Variants in CAND1 observed in about 807,000 individuals in gnomAD.
CAND1 encodes cullin associated and neddylation dissociated 1, also known as cullin-associated NEDD8-dissociated protein 1.
A neutral mutation model predicts 108.5 loss-of-function variants in CAND1; 7 were observed. That is an observed-to-expected ratio of 0.06 (90% CI 0.04 to 0.12). CAND1 has a LOEUF of 0.12. Ranked by LOEUF, CAND1 falls within the 10% of genes least tolerant of loss-of-function variation. The probability of loss-of-function intolerance (pLI) is 1.00; values close to 1 mark genes in which losing one functional copy is unlikely to be tolerated. For synonymous variants in CAND1, 534 were observed against 512.0 expected (o/e 1.04, Z -0.58); for missense variants, 941 against 1,448.7 (o/e 0.65, Z 5.69).
rs1444941167 is a variant in CAND1, at chr12:67,315,292, A to G, written c.*2462A>G. On this transcript the variant is annotated 3_prime_UTR_variant, in exon 15 of 15. Transcript: ENST00000545606. ...ACACTGTGAAAACCCATCTCTACTG[A>G]AAATACAAAAAATTAGCTGGGCGTG... 2 of 152,270 alleles carry G rather than the reference A, an allele frequency of 1.3e-5. No homozygotes were observed. Among genetic ancestry groups the G allele is most frequent in the Non-Finnish European group, 1.5e-5 (1 of 68,122 alleles). 9.4% of individuals were successfully genotyped at this position (152,270 alleles called of 1,614,324 possible).
chr12:67,297,902 T>G, intron 6 of CAND1, 49 bp downstream of exon 6: 1 of 1,116,300 alleles, frequency 9.0e-7, no homozygotes, highest in Non-Finnish European at 1.3e-6. Flanking sequence ...TCCTTAAGAG[T>G]AGAATCATAA....
At position 67,306,479 on chromosome 12, in the gene CAND1, A is replaced by G; in HGVS notation, c.2811A>G (p.Leu937=). The change falls in exon 10 of 15, where the codon CTA becomes CTG. Residue 937 remains leucine (L), a synonymous_variant. Coordinates refer to ENST00000545606, the MANE Select transcript of CAND1 (RefSeq NM_018448.5). ...PYVENIWALL[L]KHCECAEEGT... is the part of the protein sequence containing the mutation. ...TTGAAAACATCTGGGCCTTATTACT[A>G]AAGCACTGTGAGTGTGCAGAGGAAG... 8.7e-6 allele frequency: 14 copies of G among 1,614,052 alleles called. No individual in the cohort carries two copies. Among genetic ancestry groups the G allele is most frequent in the Non-Finnish European group, 1.2e-5 (14 of 1,179,950 alleles).
intron 8 of CAND1, among the ~76,000 whole-genome samples, chr12:67,303,697 G>A (rs754881451): frequency 6.6e-5 from 10 of 152,208 alleles, no homozygotes; most frequent in East Asian, 3.9e-4. Context: ...CTTTGCATCC[G>A]TAAGATTTGT....
At chr12:67,311,605 T>C in intron 13 of CAND1, 88 bp from the exon 14 acceptor site, 1 of 500,710 alleles carries the variant, frequency 2.0e-6, no homozygotes, top group South Asian at 1.8e-5. Context: ...ATGCTAGTTA[T>C]TTTCCTTTAA....
intron 2 of CAND1, among the ~76,000 whole-genome samples, chr12:67,290,778 A>G (rs1203705400): frequency 6.6e-6 from 1 of 152,144 alleles, no homozygotes; most frequent in Admixed American, 6.5e-5. Context: ...ACCCTGGGCC[A>G]TGGACCCATA....
intron 2 of CAND1, chr12:67,282,281 G>C (rs894038276): frequency 2.8e-6 from 1 of 356,774 alleles, no homozygotes; most frequent in Non-Finnish European, 5.0e-6. Flanking sequence ...CTTACGAAGT[G>C]CATGTAGGGA....
At chr12:67,286,995 T>C (rs1280551593) in intron 2 of CAND1, among the ~76,000 whole-genome samples, 3 of 152,258 alleles carry the variant, frequency 2.0e-5, no homozygotes, top group African/African-American at 7.2e-5. Context: ...GATGCTGTTT[T>C]GTTCCATTCG....
intron 10 of CAND1, among the ~76,000 whole-genome samples, chr12:67,306,876 AT>A (rs1488101775): frequency 6.6e-6 from 1 of 152,172 alleles, no homozygotes; most frequent in Non-Finnish European, 1.5e-5. Context: ...TGTGGAAAAG[AT>A]GTATCTAATG....
chr12:67,290,390 A>G (rs2044711651), intron 2 of CAND1, among the ~76,000 whole-genome samples: 1 of 152,120 alleles, frequency 6.6e-6, no homozygotes, highest in Non-Finnish European at 1.5e-5. Context: ...ATATACTTGT[A>G]GTCCCAGCTA....
In CAND1 at chr12:67,308,946, CTT is replaced by C. The variant is rs148968751; in HGVS notation, c.3026-952_3026-951del. Among the ~76,000 whole-genome samples the C allele has an allele frequency of 3.8e-3, 581 of 151,954 alleles. 1 individual carries two copies. Among genetic ancestry groups the C allele is most frequent in the African/African-American group, 0.014 (565 of 41,504 alleles). On this transcript the variant is annotated intron_variant, in intron 11 of 14. Transcript: ENST00000545606. ...AGGTTTTTCAAGTTGGCATTCAAGT[CTT>C]TTATCTCTCCTACATTTCCCTGTGT...
At chr12:67,274,203 A>G (rs1341407256) in intron 1 of CAND1, among the ~76,000 whole-genome samples, 1 of 152,130 alleles carries the variant, frequency 6.6e-6, no homozygotes, top group African/African-American at 2.4e-5. Flanking sequence ...GAGGACTACA[A>G]AAAGTTTAAG....
At chr12:67,276,669 A>G (rs1056879985) in intron 1 of CAND1, among the ~76,000 whole-genome samples, 8 of 152,214 alleles carry the variant, frequency 5.3e-5, no homozygotes, top group African/African-American at 1.7e-4. Flanking sequence ...TGTATTGCTC[A>G]GGGACCTTGT....
intron 1 of CAND1, chr12:67,270,212 C>G (rs1338326683): frequency 6.0e-6 from 1 of 167,506 alleles, no homozygotes; most frequent in Non-Finnish European, 1.3e-5. Context: ...TCGCTGGGGC[C>G]CAAGCTGCTG....
intron 1 of CAND1, among the ~76,000 whole-genome samples, chr12:67,274,948 A>G (rs775241630): frequency 2.0e-5 from 3 of 152,238 alleles, no homozygotes; most frequent in Non-Finnish European, 2.9e-5. Flanking sequence ...TAGTGAAATT[A>G]TCTTAAGTAC....
Position 67,269,600 on chromosome 12 carries a change from C to A in CAND1, c.-118C>A, listed in dbSNP as rs1434437717. 2 of 829,702 alleles carry A rather than the reference C, an allele frequency of 2.4e-6. No individual in the cohort carries two copies. The highest frequency in any genetic ancestry group is 3.3e-5 in the South Asian group (2 of 61,232). The allele number at this position is 829,702 out of a possible 1,614,324, so 51.4% of individuals were successfully genotyped here. On this transcript the variant is annotated 5_prime_UTR_variant, in exon 1 of 15. Transcript: ENST00000545606. ...AGTCAGCGTCGGCGTCGCGCTGCGACCCTGGAAGCGGGAGCCGCCGCGAGC... is the reference window on the plus strand; with the variant it reads ...AGTCAGCGTCGGCGTCGCGCTGCGAACCTGGAAGCGGGAGCCGCCGCGAGC...
At position 67,278,484 on chromosome 12, in the gene CAND1, G is replaced by T. The variant is rs564572691; in HGVS notation, c.69-3426G>T. ...AGATCAGTCTTTCCTGACACAACCC[G>T]CAGTTCAGTCTAGGTCATGTTACTT... On this transcript the variant is annotated intron_variant, in intron 1 of 14. Transcript: ENST00000545606. Among the ~76,000 whole-genome samples, 14 of 151,852 alleles carry T rather than the reference G, an allele frequency of 9.2e-5. No individual in the cohort carries two copies. The East Asian group carries it at 2.1e-3, about 23-fold the overall frequency.
chr12:67,292,515 C>G, intron 2 of CAND1, 107 bp from the exon 3 acceptor site: 1 of 731,354 alleles, frequency 1.4e-6, no homozygotes, highest in South Asian at 2.1e-5. Flanking sequence ...ATGGTATATA[C>G]TTTATCTTGA....
Position 67,292,767 on chromosome 12 carries a change from G to T in CAND1, c.358G>T (p.Ala120Ser), listed in dbSNP as rs775268170. ...LKTVIGELPP[A>S]SSGSALAANV... Reference sequence around the variant, plus strand: ...AACAGTAATTGGAGAACTTCCTCCAGCTTCCAGTGGTAAGCAAGAGCACAT... The same window carrying T: ...AACAGTAATTGGAGAACTTCCTCCATCTTCCAGTGGTAAGCAAGAGCACAT... Residue 120 changes from alanine (A) to serine (S), a missense_variant, in exon 3 of 15, where the codon GCT becomes TCT. Transcript: ENST00000545606. 1 of 1,613,158 alleles carries T rather than the reference G, an allele frequency of 6.2e-7. No homozygotes were observed. Among genetic ancestry groups the T allele is most frequent in the South Asian group, 1.1e-5 (1 of 90,776 alleles).
intron 10 of CAND1, 94 bp from the exon 11 acceptor site, chr12:67,307,303 G>A: frequency 2.4e-6 from 2 of 822,554 alleles, no homozygotes; most frequent in South Asian, 1.5e-5. Flanking sequence ...CTAAGGCATT[G>A]AAGACACTGG....
Sources: gnomAD v4.1 joint callset for allele counts (sites outside exome capture counted in the v4.1 genomes callset) on GRCh38, gnomAD v4.1.1 for gene constraint, MANE v1.5 for transcripts, NCBI Gene and HGNC (gene_info 2026-07-23, HGNC 2026-07-21) for gene names.